FADS2: variants seen among roughly 807,000 people sequenced by gnomAD.
FADS2 encodes fatty acid desaturase 2, also known as acyl-CoA 6-desaturase.
In FADS2, 18 loss-of-function variants were observed where a neutral mutation model predicts 61.2. The ratio of observed to expected loss-of-function variants is 0.29; its 90% confidence interval spans 0.20 to 0.44. FADS2 has a LOEUF of 0.44. FADS2 is among the 20% of genes least tolerant of loss of function. The probability of loss-of-function intolerance (pLI) is 1.00; values close to 1 mark genes in which losing one functional copy is unlikely to be tolerated. For missense variants in FADS2, 322 were observed against 572.7 expected, an observed-to-expected ratio of 0.56 and a Z score of 4.47; for synonymous variants, 203 against 223.9, an observed-to-expected ratio of 0.91 and a Z score of 0.83.
chr11:61,863,876 C>T (rs2067438707), intron 10 of FADS2, 90 bp downstream of exon 10: 1 of 1,038,696 alleles, frequency 9.6e-7, no homozygotes, highest in African/African-American at 1.6e-5. Context: ...ATGTGGGGGC[C>T]ACCTCTTTGT....
upstream of FADS2, among the ~76,000 whole-genome samples, chr11:61,826,887 C>G (rs2067090628): frequency 6.6e-6 from 1 of 152,194 alleles, no homozygotes; most frequent in African/African-American, 2.4e-5. Flanking sequence ...TTGACCATCT[C>G]TCTCAATCTC....
In FADS2 at chr11:61,816,626, T is replaced by C. The variant is rs1377375171; in HGVS notation, c.141+200T>C. On this transcript the variant is annotated intron_variant, in intron 1 of 11. Coordinates refer to the FADS2 transcript ENST00000257261. This position sits in a 1 kb window ranked among gnomAD's most constrained non-coding sequence, Gnocchi z 7.0. ...GGATGCCGGCGGGTGAACTCGCTGA[T>C]GTTGTACACCTTACGGTCGATCACT... 2 of 1,603,912 alleles carry C rather than the reference T, an allele frequency of 1.2e-6. No individual in the cohort carries two copies. The highest frequency in any genetic ancestry group is 1.7e-6 in the Non-Finnish European group (2 of 1,176,074).
Position 61,866,265 on chromosome 11 carries a change from A to T in FADS2, c.*576A>T, listed in dbSNP as rs1425064389. The T allele has an allele frequency of 8.6e-6, 3 of 347,256 alleles. No homozygotes were observed. The highest frequency in any genetic ancestry group is 1.5e-5 in the Non-Finnish European group (3 of 194,036). 21.5% of individuals were successfully genotyped at this position (347,256 alleles called of 1,614,324 possible). A position where few individuals can be genotyped will look rare whatever the true frequency, so the allele number is the denominator to read the frequency against. On this transcript the variant is annotated 3_prime_UTR_variant, in exon 12 of 12. Transcript: ENST00000278840. Reference sequence around the variant, plus strand: ...CTCCTGCAGCTCGGTTAAGTACCCGAGGCCTCTCTTAAGATGTCCAGGGCC... The same window carrying T: ...CTCCTGCAGCTCGGTTAAGTACCCGTGGCCTCTCTTAAGATGTCCAGGGCC...
At chr11:61,842,636 G>T (rs2067225957) in intron 4 of FADS2, among the ~76,000 whole-genome samples, 1 of 152,200 alleles carries the variant, frequency 6.6e-6, no homozygotes, top group Non-Finnish European at 1.5e-5. Flanking sequence ...TTGGGCTTGG[G>T]GATGTGGGCT....
At chr11:61,832,801 AAG>A (rs1240271936) in intron 1 of FADS2, among the ~76,000 whole-genome samples, 1 of 152,136 alleles carries the variant, frequency 6.6e-6, no homozygotes, top group Non-Finnish European at 1.5e-5. Context: ...TTGTTCCATA[AAG>A]TTCTGGTCCG....
Position 61,840,320 on chromosome 11 carries a change from C to T in FADS2, c.319-14C>T, listed in dbSNP as rs1473595594. 4 of 1,610,258 alleles carry T rather than the reference C, an allele frequency of 2.5e-6. No homozygotes were observed. Among genetic ancestry groups the T allele is most frequent in the Non-Finnish European group, 2.5e-6 (3 of 1,176,878 alleles). On this transcript the variant is annotated splice_polypyrimidine_tract_variant and intron_variant, in intron 2 of 11. Transcript: ENST00000278840. The stretch of plus-strand genomic sequence containing the variant: ...CTGGTGGCTGACTCCTTTCCCTGTG[C>T]TCTTGGTCAACAGTCAAAGATCACT...
chr11:61,862,842 A>G (rs1207607507), intron 7 of FADS2, 130 bp from the exon 8 acceptor site: 7 of 727,120 alleles, frequency 9.6e-6, no homozygotes, highest in Non-Finnish European at 1.7e-5. Flanking sequence ...GTAGTTGCCC[A>G]TTGCATTTCA....
chr11:61,840,397 A>G lies in FADS2; in HGVS notation c.382A>G (p.Thr128Ala). Residue 128 changes from threonine (T) to alanine (A), a missense_variant, in exon 3 of 12, where the codon ACC (threonine) becomes GCC (alanine). Physicochemically the swap from Thr to Ala is moderately conservative, Grantham distance 58. Transcript: ENST00000278840. ...KTAEDMNLFK[T>A]NHVFFLLLLA... is the part of the protein sequence containing the mutation. Reference sequence around the variant, plus strand: ...GGCTGAGGACATGAACCTGTTCAAGACCAACCACGTGTTCTTCCTCCTCCT... The same window carrying G: ...GGCTGAGGACATGAACCTGTTCAAGGCCAACCACGTGTTCTTCCTCCTCCT... The G allele has an allele frequency of 1.2e-6, 2 of 1,614,210 alleles. No homozygotes were observed. The highest frequency in any genetic ancestry group is 1.7e-6 in the Non-Finnish European group (2 of 1,180,044).
rs1220379937 is a variant in FADS2 at position 61,821,379 on chromosome 11, A to G, written c.141+4953A>G. On this transcript the variant is annotated intron_variant, in intron 1 of 11. Transcript: ENST00000257261. ...AACTGTCCCACCATTTTCTCTCTAA[A>G]GAAAAGAAAAAAAAAGACCTTAATG... 3 of 701,372 alleles carry G rather than the reference A, an allele frequency of 4.3e-6. No homozygotes were observed. The African/African-American group carries it at 5.3e-5, about 12-fold the overall frequency. 43.4% of individuals were successfully genotyped at this position (701,372 alleles called of 1,614,324 possible).
In FADS2 at chr11:61,816,762, T is replaced by G; in HGVS notation, c.141+336T>G. On this transcript the variant is annotated intron_variant, in intron 1 of 11. Transcript: ENST00000257261. This position sits in a 1 kb window ranked among gnomAD's most constrained non-coding sequence, Gnocchi z 7.0. Reference sequence around the variant, plus strand: ...CGGCCACCGGGTCGGGGGCCATAGCTGGCCTGGCGACGCCGCGCGCCGGGC... The same window carrying G: ...CGGCCACCGGGTCGGGGGCCATAGCGGGCCTGGCGACGCCGCGCGCCGGGC... 6.5e-7 allele frequency: 1 copy of G among 1,533,112 alleles called. No individual in the cohort carries two copies. Among genetic ancestry groups the G allele is most frequent in the Non-Finnish European group, 8.7e-7 (1 of 1,143,018 alleles). 95.0% of individuals were successfully genotyped at this position (1,533,112 alleles called of 1,614,324 possible).
chr11:61,825,905 G>C (rs1591162740), upstream of FADS2: 8 of 592,760 alleles, frequency 1.3e-5, no homozygotes, highest in East Asian at 1.9e-4. Context: ...AAAAAAATTA[G>C]AGGGCAGGGA....
At chr11:61,820,409 T>C (rs1253430090) in intron 1 of FADS2, among the ~76,000 whole-genome samples, 1 of 152,144 alleles carries the variant, frequency 6.6e-6, no homozygotes, top group African/African-American at 2.4e-5. Context: ...TTCATCTTAC[T>C]CAGGATTTAA....
chr11:61,816,988 T>A lies in FADS2; in HGVS notation c.141+562T>A. On this transcript the variant is annotated intron_variant, in intron 1 of 11. Coordinates refer to the FADS2 transcript ENST00000257261. This position sits in a 1 kb window ranked among gnomAD's most constrained non-coding sequence, Gnocchi z 7.0. ...CGTCCCCCGGTGGGTCTTGGGCAAC[T>A]CACAGCTGGGCTGCCAACACGCGCC... is the stretch of plus-strand genomic sequence containing the variant. 1 of 1,342,608 alleles carries A rather than the reference T, an allele frequency of 7.4e-7. No homozygotes were observed. Among genetic ancestry groups the A allele is most frequent in the South Asian group, 1.9e-5 (1 of 53,360 alleles). 83.2% of individuals were successfully genotyped at this position (1,342,608 alleles called of 1,614,324 possible).
chr11:61,826,492 G>T, upstream of FADS2: 1 of 625,552 alleles, frequency 1.6e-6, no homozygotes, highest in Non-Finnish European at 2.9e-6. Context: ...GTTCATTAAA[G>T]TTATCTATAT....
In FADS2 at chr11:61,865,924, C is replaced by A. The variant is rs2135983122; in HGVS notation, c.*235C>A. 1.8e-6 allele frequency: 1 copy of A among 567,030 alleles called. No homozygotes were observed. Among genetic ancestry groups the A allele is most frequent in the South Asian group, 2.4e-5 (1 of 41,526 alleles). The allele number at this position is 567,030 out of a possible 1,614,324, so 35.1% of individuals were successfully genotyped here. A position where few individuals can be genotyped will look rare whatever the true frequency, so the allele number is the denominator to read the frequency against. On this transcript the variant is annotated 3_prime_UTR_variant, in exon 12 of 12. Transcript: ENST00000278840. The surrounding 1 kb of genome is among the most constrained non-coding windows in gnomAD (Gnocchi z 4.1). ...CCGTCAGCCATCAGCCATGGCCCTC[C>A]CAGTGCCTCCTAGCCCCTTCTTCCA...
chr11:61,856,769 T>A, intron 5 of FADS2: 2 of 532,758 alleles, frequency 3.8e-6, no homozygotes, highest in East Asian at 5.9e-5. Context: ...AGAGGATCGA[T>A]GCCATCGGGC....
At chr11:61,839,631 T>A (rs1255274181) in intron 2 of FADS2, among the ~76,000 whole-genome samples, 1 of 152,220 alleles carries the variant, frequency 6.6e-6, no homozygotes, top group Non-Finnish European at 1.5e-5. Flanking sequence ...TGGTCAACCA[T>A]TTTGGTCATT....
intron 1 of FADS2, among the ~76,000 whole-genome samples, chr11:61,830,842 G>A (rs892244835): frequency 1.3e-5 from 2 of 152,162 alleles, no homozygotes; most frequent in Admixed American, 1.3e-4. Context: ...AATGCAATGG[G>A]GTGTTATCAG....
chr11:61,862,525 TTCCCTACCCCTCCA>T, intron 7 of FADS2: 1 of 183,424 alleles, frequency 5.5e-6, no homozygotes, highest in Admixed American at 5.6e-5. Flanking sequence ...ACCTCTGACC[TTCCCTACCCCTCCA>T]AGCCCTCTGT....
Sources: allele counts gnomAD v4.1 joint callset (sites outside exome capture counted in the v4.1 genomes callset), GRCh38; gene constraint gnomAD v4.1.1; non-coding constraint Gnocchi (gnomAD v3.1); transcripts MANE v1.5; gene names NCBI Gene and HGNC (gene_info 2026-07-23, HGNC 2026-07-21).